The following NAALADL2 variants were observed in gnomAD, a reference collection of about 807,000 sequenced individuals.
The protein encoded by NAALADL2 is N-acetylated alpha-linked acidic dipeptidase like 2.
NAALADL2 carries 76 observed loss-of-function variants against 87.2 expected under a neutral mutation model. That is an observed-to-expected ratio of 0.87 (90% CI 0.72 to 1.05). NAALADL2 has a LOEUF of 1.05. Ranked by LOEUF, NAALADL2 falls within the 50% of genes least tolerant of loss-of-function variation. The pLI is 0.00. For synonymous variants in NAALADL2, 354 were observed against 331.0 expected (o/e 1.07, Z -0.75); for missense variants, 1,089 against 945.8 (o/e 1.15, Z -1.99).
intron 3 of NAALADL2, among the ~76,000 whole-genome samples, chr3:174,766,956 TG>T: frequency 6.6e-6 from 1 of 152,324 alleles, no homozygotes; most frequent in East Asian, 1.9e-4. Flanking sequence ...ACACAATTCC[TG>T]GGTGTGCCAT....
chr3:175,775,284 A>G (rs1750075659), intron 13 of NAALADL2: 1 of 152,048 alleles, frequency 6.6e-6, no homozygotes, highest in African/African-American at 2.4e-5. Context: ...CAAACATAAA[A>G]TATTTGTTGA....
At chr3:175,031,156 G>A (rs555099813) in intron 1 of NAALADL2, among the ~76,000 whole-genome samples, 2 of 151,934 alleles carry the variant, frequency 1.3e-5, no homozygotes, top group Admixed American at 1.3e-4. Flanking sequence ...TTTAGAATGA[G>A]GGGGTACATG....
chr3:175,551,451 T>C (rs1259894263), intron 9 of NAALADL2, among the ~76,000 whole-genome samples: 1 of 152,142 alleles, frequency 6.6e-6, no homozygotes, highest in Non-Finnish European at 1.5e-5. Flanking sequence ...ACTGACAAGA[T>C]TGGTTGGCTT....
intron 11 of NAALADL2, among the ~76,000 whole-genome samples, chr3:175,713,176 G>A (rs1486642347): frequency 6.6e-6 from 1 of 152,048 alleles, no homozygotes; most frequent in East Asian, 1.9e-4. Flanking sequence ...GGTAATAACA[G>A]GGTTAATGTT....
Position 174,448,061 on chromosome 3 carries a change from C to G in NAALADL2, c.-184+7029C>G, listed in dbSNP as rs187412709. On this transcript the variant is annotated intron_variant, in intron 1 of 3. Transcript: ENST00000434257. ...TTAGATTTGTGGGAAAACTTTCCTTCTTTATTTTCCTCTGGCATTGAGATA... is the reference window on the plus strand; with the variant it reads ...TTAGATTTGTGGGAAAACTTTCCTTGTTTATTTTCCTCTGGCATTGAGATA... 4.2e-3 allele frequency among the ~76,000 whole-genome samples: 635 copies of G among 152,228 alleles called. 17 individuals carry two copies. Among genetic ancestry groups the G allele is most frequent in the East Asian group, 9.7e-4 (5 of 5,180 alleles).
intron 3 of NAALADL2, among the ~76,000 whole-genome samples, chr3:174,834,464 A>G (rs1332071131): frequency 6.6e-6 from 1 of 151,964 alleles, no homozygotes; most frequent in East Asian, 1.9e-4. Flanking sequence ...GTAATAAAGG[A>G]AGAAAAATGA....
intron 11 of NAALADL2, among the ~76,000 whole-genome samples, chr3:175,636,113 A>G (rs1202937337): frequency 1.3e-5 from 2 of 152,094 alleles, no homozygotes; most frequent in Non-Finnish European, 2.9e-5. Context: ...ATACACACAT[A>G]TATGATATGG....
chr3:175,119,575 A>G (rs1162798782), intron 2 of NAALADL2, among the ~76,000 whole-genome samples: 1 of 150,774 alleles, frequency 6.6e-6, no homozygotes, highest in Non-Finnish European at 1.5e-5. Flanking sequence ...GAGAAGAGGA[A>G]GAGAAAGAAA....
At chr3:174,997,184 T>C (rs187272535) in intron 1 of NAALADL2, among the ~76,000 whole-genome samples, 1 of 152,188 alleles carries the variant, frequency 6.6e-6, no homozygotes, top group Admixed American at 6.5e-5. Flanking sequence ...TTTTTTTCCT[T>C]TGGATAGATA....
rs1487902856 is a variant in NAALADL2 at position 175,769,619 on chromosome 3, A to G, written c.2189+14201A>G. On this transcript the variant is annotated intron_variant, in intron 13 of 13. Transcript: ENST00000454872. ...ATTTTAGAGGTAATGGAAAAAACGG[A>G]AAAATTAGAAATGATGTGGTCTTTT... Among the ~76,000 whole-genome samples, 8 of 152,318 alleles carry G rather than the reference A, an allele frequency of 5.3e-5. No homozygotes were observed. In the East Asian group the frequency reaches 1.4e-3, roughly 26 times the overall value.
At chr3:175,195,045 C>A (rs896561884) in intron 2 of NAALADL2, among the ~76,000 whole-genome samples, 2 of 151,544 alleles carry the variant, frequency 1.3e-5, no homozygotes, top group Non-Finnish European at 3.0e-5. Context: ...CTCTCTCTCT[C>A]CCTCCTCTAA....
At chr3:174,462,504 C>T (rs1716277056) in intron 1 of NAALADL2, among the ~76,000 whole-genome samples, 1 of 152,044 alleles carries the variant, frequency 6.6e-6, no homozygotes, top group Non-Finnish European at 1.5e-5. Flanking sequence ...TTTTTAGGGA[C>T]ATAAGACGAA....
At chr3:174,505,098 A>T (rs1719120244) in intron 1 of NAALADL2, among the ~76,000 whole-genome samples, 1 of 152,170 alleles carries the variant, frequency 6.6e-6, no homozygotes, top group Admixed American at 6.5e-5. Flanking sequence ...CAGTCTGATT[A>T]TGTATCTTCA....
intron 1 of NAALADL2, among the ~76,000 whole-genome samples, chr3:174,893,917 T>A (rs1487370435): frequency 6.6e-6 from 1 of 152,120 alleles, no homozygotes; most frequent in Non-Finnish European, 1.5e-5. Flanking sequence ...TACAAAAATG[T>A]AGACAGCCCA....
At chr3:175,524,202 T>C (rs947105215) in intron 9 of NAALADL2, among the ~76,000 whole-genome samples, 1 of 152,182 alleles carries the variant, frequency 6.6e-6, no homozygotes, top group African/African-American at 2.4e-5. Flanking sequence ...ATTGATCTCA[T>C]TTCTTTTTTG....
intron 2 of NAALADL2, among the ~76,000 whole-genome samples, chr3:175,167,577 C>A (rs1734180059): frequency 6.6e-6 from 1 of 152,050 alleles, no homozygotes; most frequent in Admixed American, 6.6e-5. Context: ...CATGTAAAAA[C>A]TATTAAGAAT....
At chr3:175,063,538 G>A (rs1713962963) in intron 1 of NAALADL2, among the ~76,000 whole-genome samples, 1 of 151,960 alleles carries the variant, frequency 6.6e-6, no homozygotes, top group African/African-American at 2.4e-5. Context: ...ATGCAGTCTT[G>A]TCATCACAGC....
intron 1 of NAALADL2, among the ~76,000 whole-genome samples, chr3:174,474,313 A>G (rs1717087462): frequency 6.6e-6 from 1 of 152,156 alleles, no homozygotes; most frequent in African/African-American, 2.4e-5. Context: ...TCCTTTGAAA[A>G]CACTGAATGT....
intron 1 of NAALADL2, among the ~76,000 whole-genome samples, chr3:175,044,929 G>C (rs1754492991): frequency 7.4e-6 from 1 of 134,924 alleles, no homozygotes; most frequent in African/African-American, 2.8e-5. Flanking sequence ...CGCAATTTCT[G>C]ATTTTTTTTT....
Sources: allele counts gnomAD v4.1 joint callset (sites outside exome capture counted in the v4.1 genomes callset), GRCh38; gene constraint gnomAD v4.1.1; transcripts MANE v1.5; gene names NCBI Gene and HGNC (gene_info 2026-07-23, HGNC 2026-07-21).